The following AGBL4 variants were observed in gnomAD, a reference collection of about 807,000 sequenced individuals.
AGBL4 encodes AGBL carboxypeptidase 4, also known as cytosolic carboxypeptidase 6.
A neutral mutation model predicts 66.4 loss-of-function variants in AGBL4; 58 were observed. The observed-to-expected ratio is 0.87, with a 90% confidence interval of 0.71 to 1.09. The LOEUF is 1.09. Among genes scored for constraint, AGBL4 ranks in the 50% least tolerant of loss-of-function variants. The probability of loss-of-function intolerance (pLI) is 0.00; values close to 1 mark genes in which losing one functional copy is unlikely to be tolerated. For missense variants in AGBL4, 579 were observed against 631.0 expected, an observed-to-expected ratio of 0.92 and a Z score of 0.88; for synonymous variants, 234 against 222.9, an observed-to-expected ratio of 1.05 and a Z score of -0.44.
At chr1:49,692,900 C>T (rs989872076) in intron 3 of AGBL4, among the ~76,000 whole-genome samples, 4 of 151,984 alleles carry the variant, frequency 2.6e-5, no homozygotes, top group African/African-American at 4.8e-5. Flanking sequence ...ATACATCAGA[C>T]GACAATCTAT....
chr1:49,758,176 G>A (rs887683692), intron 2 of AGBL4, among the ~76,000 whole-genome samples: 5 of 152,270 alleles, frequency 3.3e-5, no homozygotes, highest in South Asian at 2.1e-4. Flanking sequence ...TTAGTCCTGC[G>A]GGTGCACAGA....
intron 5 of AGBL4, among the ~76,000 whole-genome samples, chr1:48,909,540 A>G (rs1308580099): frequency 1.3e-5 from 2 of 152,224 alleles, no homozygotes; most frequent in Non-Finnish European, 2.9e-5. Context: ...CAGACACACC[A>G]TTGTTGAAGA....
Position 48,987,768 on chromosome 1 carries a change from T to G in AGBL4, c.594+57816A>C, listed in dbSNP as rs118041846. ...TCATATTCTGGGTCATAAAACAAGT[T>G]TCATGCATGTGAAAAACCTGATGGA... is the stretch of plus-strand genomic sequence containing the variant. On this transcript the variant is annotated intron_variant, in intron 5 of 13. Transcript: ENST00000371839. Among the ~76,000 whole-genome samples the G allele has an allele frequency of 1.2e-3, 180 of 152,176 alleles. 6 individuals carry two copies. In the East Asian group the frequency reaches 0.031, roughly 26 times the overall value.
chr1:49,210,287 G>A (rs557837618), intron 4 of AGBL4, among the ~76,000 whole-genome samples: 2 of 152,048 alleles, frequency 1.3e-5, no homozygotes, highest in Non-Finnish European at 2.9e-5. Flanking sequence ...ACAAAGCAAA[G>A]TATCTCCCTT....
intron 3 of AGBL4, among the ~76,000 whole-genome samples, chr1:49,674,144 C>G (rs774574489): frequency 6.6e-6 from 1 of 151,998 alleles, no homozygotes; most frequent in Non-Finnish European, 1.5e-5. Context: ...TAAGCACCCA[C>G]GAAAATTGAG....
intron 4 of AGBL4, among the ~76,000 whole-genome samples, chr1:49,134,085 G>A (rs900013968): frequency 1.1e-4 from 16 of 151,886 alleles, no homozygotes; most frequent in East Asian, 5.8e-4. Context: ...ATCACATGTC[G>A]GCAGGTTCCA....
rs1176856692 is a variant in AGBL4 at position 49,012,748 on chromosome 1, C to T, written c.594+32836G>A. 2.6e-5 allele frequency among the ~76,000 whole-genome samples: 4 copies of T among 152,170 alleles called. No homozygotes were observed. The East Asian group carries it at 7.7e-4, about 29-fold the overall frequency. ...AACTCCTGAGTGAAAGATCCAAGAG[C>T]CCCTTTGGCTGAACTGTAGAAAGTG... On this transcript the variant is annotated intron_variant, in intron 5 of 13. Coordinates refer to ENST00000371839, the MANE Select transcript of AGBL4 (RefSeq NM_032785.4).
chr1:49,867,582 A>C (rs1646736056), intron 1 of AGBL4, among the ~76,000 whole-genome samples: 1 of 146,748 alleles, frequency 6.8e-6, no homozygotes, highest in Admixed American at 7.2e-5. Context: ...GAGTGAGAAC[A>C]TGTGGTGTTT....
chr1:49,064,934 A>G (rs965524082), intron 4 of AGBL4, among the ~76,000 whole-genome samples: 3 of 152,196 alleles, frequency 2.0e-5, no homozygotes, highest in Non-Finnish European at 4.4e-5. Flanking sequence ...TAAGGTTACA[A>G]TTCTAAGAAT....
At chr1:49,002,554 G>A (rs539407936) in intron 5 of AGBL4, among the ~76,000 whole-genome samples, 4 of 152,242 alleles carry the variant, frequency 2.6e-5, no homozygotes, top group East Asian at 3.9e-4. Context: ...CCAAAAATAG[G>A]AGAGCAAGGG....
In AGBL4 at chr1:49,093,796, A is replaced by C. The variant is rs1223786340; in HGVS notation, c.378-47996T>G. ...AATCTTTGGCTTGTTATAAGAAAGC[A>C]TCTCTATTCAATATACAATTTGCCT... On this transcript the variant is annotated intron_variant, in intron 4 of 13. Transcript: ENST00000371839. 2.6e-5 allele frequency among the ~76,000 whole-genome samples: 4 copies of C among 152,230 alleles called. No homozygotes were observed. The East Asian group carries it at 7.7e-4, about 29-fold the overall frequency.
intron 3 of AGBL4, among the ~76,000 whole-genome samples, chr1:49,604,293 G>A (rs950083081): frequency 4.6e-5 from 7 of 152,056 alleles, no homozygotes; most frequent in South Asian, 2.1e-4. Flanking sequence ...GTGGTACCTC[G>A]TTGTTGTTTT....
intron 1 of AGBL4, among the ~76,000 whole-genome samples, chr1:49,936,666 G>C (rs1007239357): frequency 6.6e-6 from 1 of 152,198 alleles, no homozygotes; most frequent in Admixed American, 6.5e-5. Flanking sequence ...AGCCAGAAGA[G>C]AGTGGGAGCC....
intron 6 of AGBL4, among the ~76,000 whole-genome samples, chr1:48,791,535 A>G (rs1182960464): frequency 6.6e-6 from 1 of 152,254 alleles, no homozygotes; most frequent in Non-Finnish European, 1.5e-5. Flanking sequence ...TAGCTGAGGT[A>G]GTCTGAACTT....
chr1:49,355,434 T>C (rs1643999689), intron 3 of AGBL4, among the ~76,000 whole-genome samples: 1 of 152,168 alleles, frequency 6.6e-6, no homozygotes, highest in Non-Finnish European at 1.5e-5. Context: ...CCATCTCCAC[T>C]AATACAATTC....
At chr1:48,744,247 G>A (rs1479522798) in intron 6 of AGBL4, among the ~76,000 whole-genome samples, 1 of 152,156 alleles carries the variant, frequency 6.6e-6, no homozygotes, top group Non-Finnish European at 1.5e-5. Flanking sequence ...GGCTGAGTAG[G>A]CACTCTCTAA....
chr1:49,008,952 A>G (rs1196713835), intron 5 of AGBL4, among the ~76,000 whole-genome samples: 2 of 151,108 alleles, frequency 1.3e-5, no homozygotes, highest in Non-Finnish European at 3.0e-5. Flanking sequence ...ACACCCTAAG[A>G]TCACAATTAA....
At chr1:49,715,593 G>A (rs1027053103) in intron 2 of AGBL4, among the ~76,000 whole-genome samples, 16 of 152,102 alleles carry the variant, frequency 1.1e-4, no homozygotes, top group Non-Finnish European at 1.6e-4. Context: ...AGTGTAAAGC[G>A]TTCCTATCTC....
chr1:49,802,082 G>T (rs1256419221), intron 2 of AGBL4, among the ~76,000 whole-genome samples: 1 of 152,160 alleles, frequency 6.6e-6, no homozygotes, highest in Non-Finnish European at 1.5e-5. Context: ...GACAATGCCA[G>T]GTTGGACTGC....
Sources: gnomAD v4.1 joint callset for allele counts (sites outside exome capture counted in the v4.1 genomes callset) on GRCh38, gnomAD v4.1.1 for gene constraint, MANE v1.5 for transcripts, NCBI Gene and HGNC (gene_info 2026-07-23, HGNC 2026-07-21) for gene names.